JADE3: variants seen among roughly 807,000 people sequenced by gnomAD.
JADE3 encodes the protein protein Jade-3.
In JADE3, 2 loss-of-function variants were observed where a neutral mutation model predicts 50.1. The observed-to-expected ratio is 0.04, with a 90% CI of 0.02 to 0.13. The LOEUF is 0.13. JADE3 is among the 10% of genes least tolerant of loss of function. The pLI, the probability that JADE3 is intolerant of heterozygous loss-of-function variation, is 1.00. For missense variants in JADE3, 475 were observed against 634.4 expected (o/e 0.75, Z 2.70); for synonymous variants, 218 against 232.9 (o/e 0.94, Z 0.58).
At chrX:46,951,810 G>A (rs1450026148) in intron 1 of JADE3, among the ~76,000 whole-genome samples, 4 of 109,584 alleles carry the variant, frequency 3.7e-5, no homozygotes, top group Non-Finnish European at 7.6e-5. Flanking sequence ...TTTTTATTTC[G>A]GTTGTTTTTT....
At chrX:46,925,162 A>G (rs1190265112) in intron 1 of JADE3, among the ~76,000 whole-genome samples, 1 of 112,117 alleles carries the variant, frequency 8.9e-6, no homozygotes, top group Non-Finnish European at 1.9e-5. Context: ...TCCTAGCAAA[A>G]AATTGAAAAA....
In JADE3 at chrX:47,054,475, C is replaced by T. The variant is rs144726372; in HGVS notation, c.1290C>T (p.Ile430=). 53 of 1,209,240 alleles carry T rather than the reference C, an allele frequency of 4.4e-5. No individual in the cohort carries two copies. In the African/African-American group the frequency reaches 8.2e-4, roughly 19 times the overall value. The change falls in exon 9 of 11, where the codon ATC becomes ATT. Residue 430 remains isoleucine, a synonymous_variant. Transcript: ENST00000614628. ...LGMPTLAVDF[I]YNYWKLKRKS... ...TGCCCACGCTAGCTGTGGACTTTATCTATAACTACTGGAAACTGAAGCGGA... is the reference window on the plus strand; with the variant it reads ...TGCCCACGCTAGCTGTGGACTTTATTTATAACTACTGGAAACTGAAGCGGA...
chrX:46,988,324 GT>G (rs1927908958), intron 3 of JADE3, among the ~76,000 whole-genome samples: 1 of 110,579 alleles, frequency 9.0e-6, no homozygotes, highest in Non-Finnish European at 1.9e-5. Context: ...GTACTTTCCG[GT>G]TTTTTGTTTG....
Position 47,017,031 on chromosome X carries a change from CT to C in JADE3, c.285-7692del, listed in dbSNP as rs367730709. Among the ~76,000 whole-genome samples the C allele has an allele frequency of 4.7e-3, 526 of 111,992 alleles. 2 individuals are homozygous for C. Among genetic ancestry groups the C allele is most frequent in the African/African-American group, 0.016 (507 of 30,914 alleles). On this transcript the variant is annotated intron_variant, in intron 4 of 10. Coordinates refer to ENST00000614628, the MANE Select transcript of JADE3 (RefSeq NM_014735.5). ...ATCCTTGGGTGCTAGAATTACTCTACTCGAGCTATAGTAACTGAAAATGGAT... is the reference window on the plus strand; with the variant it reads ...ATCCTTGGGTGCTAGAATTACTCTACCGAGCTATAGTAACTGAAAATGGAT...
chrX:46,932,632 C>T (rs963090657), intron 1 of JADE3, among the ~76,000 whole-genome samples: 3 of 111,737 alleles, frequency 2.7e-5, no homozygotes, highest in Non-Finnish European at 5.6e-5. Context: ...GGTCATGACC[C>T]ATCCTGTACA....
chrX:46,995,032 T>C, intron 3 of JADE3, among the ~76,000 whole-genome samples: 1 of 106,327 alleles, frequency 9.4e-6, no homozygotes, highest in Non-Finnish European at 2.0e-5. Flanking sequence ...CTTTAAGATT[T>C]TTTTTTTTTT....
intron 4 of JADE3, among the ~76,000 whole-genome samples, chrX:47,006,563 G>A (rs1401534578): frequency 9.4e-6 from 1 of 106,575 alleles, no homozygotes; most frequent in African/African-American, 3.4e-5. Flanking sequence ...GCCTCCCAAA[G>A]TGCTGGGATT....
intron 4 of JADE3, among the ~76,000 whole-genome samples, chrX:47,023,872 C>T (rs781839564): frequency 3.6e-5 from 4 of 112,313 alleles, no homozygotes; most frequent in Non-Finnish European, 5.6e-5. Flanking sequence ...TGCCACTGCA[C>T]TCTACCCTGG....
At chrX:47,038,318 G>A (rs1006811321) in intron 7 of JADE3, among the ~76,000 whole-genome samples, 24 of 111,126 alleles carry the variant, frequency 2.2e-4, no homozygotes, top group African/African-American at 6.9e-4. Flanking sequence ...ACCCAACAGT[G>A]GGATTGCTGG....
At chrX:47,002,087 C>G (rs1413027514) in intron 4 of JADE3, among the ~76,000 whole-genome samples, 1 of 111,206 alleles carries the variant, frequency 9.0e-6, no homozygotes, top group Admixed American at 9.6e-5. Flanking sequence ...GAGGGTCGTT[C>G]ACAAAGTATA....
chrX:47,030,309 C>A (rs999316081), intron 6 of JADE3, among the ~76,000 whole-genome samples: 1 of 111,352 alleles, frequency 9.0e-6, no homozygotes, highest in Non-Finnish European at 1.9e-5. Flanking sequence ...ATTTATTAGT[C>A]TTAAAAACGA....
intron 1 of JADE3, among the ~76,000 whole-genome samples, chrX:46,937,835 G>A (rs1926665842): frequency 1.8e-5 from 2 of 110,646 alleles, no homozygotes; most frequent in Non-Finnish European, 3.8e-5. Context: ...ACAAAAAGTA[G>A]CCGGGCATGG....
chrX:46,992,203 G>C (rs1011882267), intron 3 of JADE3, among the ~76,000 whole-genome samples: 2 of 110,882 alleles, frequency 1.8e-5, no homozygotes, highest in Non-Finnish European at 3.8e-5. Flanking sequence ...TGCAGATGAA[G>C]CCTTTTGTTT....
At chrX:46,971,260 C>T (rs1203483772) in intron 1 of JADE3, among the ~76,000 whole-genome samples, 2 of 106,509 alleles carry the variant, frequency 1.9e-5, no homozygotes, top group South Asian at 4.4e-4. Flanking sequence ...GGATTACAGG[C>T]GACTGCCACC....
At chrX:47,022,685 T>C (rs1456618599) in intron 4 of JADE3, among the ~76,000 whole-genome samples, 1 of 112,229 alleles carries the variant, frequency 8.9e-6, no homozygotes, top group Non-Finnish European at 1.9e-5. Context: ...ATTTCTTTTT[T>C]TAGATGGACC....
At chrX:46,958,553 C>A (rs1602385016) in intron 1 of JADE3, among the ~76,000 whole-genome samples, 1 of 111,196 alleles carries the variant, frequency 9.0e-6, no homozygotes, top group African/African-American at 3.3e-5. Flanking sequence ...TGTCAGCTGC[C>A]TCCACGTATT....
At chrX:46,961,470 G>A (rs1239773624) in intron 1 of JADE3, among the ~76,000 whole-genome samples, 1 of 112,221 alleles carries the variant, frequency 8.9e-6, no homozygotes, top group Admixed American at 9.5e-5. Flanking sequence ...ATTTCAAATC[G>A]TTGCATATTA....
At position 46,985,745 on chromosome X, in the gene JADE3, T is replaced by C. The variant is rs1927847782; in HGVS notation, c.79T>C (p.Tyr27His). ...CACTTCCTTTACTTCTGGCTCAATG[T>C]ATAGGATCAAGTCAAAAATTCCAAA... Reference protein sequence around the residue: ...PSTSFTSGSMYRIKSKIPNEH... With the variant: ...PSTSFTSGSMHRIKSKIPNEH... Residue 27 changes from tyrosine (Y) to histidine (H), a missense_variant, in exon 3 of 11, where the codon TAT becomes CAT. This residue lies in a region of JADE3 where 31 missense variants were observed against 29.3 expected (regional missense o/e 1.06). Transcript: ENST00000614628. The C allele has an allele frequency of 8.3e-7, 1 of 1,203,136 alleles. No homozygotes were observed. Among genetic ancestry groups the C allele is most frequent in the Non-Finnish European group, 1.1e-6 (1 of 889,214 alleles).
At chrX:46,958,482 CTACCTTCAGGAT>C (rs1927183835) in intron 1 of JADE3, among the ~76,000 whole-genome samples, 1 of 111,664 alleles carries the variant, frequency 9.0e-6, no homozygotes, top group Non-Finnish European at 1.9e-5. Context: ...CAGAAGACTC[CTACCTTCAGGAT>C]TACCTGCCTG....
Sources: allele counts gnomAD v4.1 joint callset (sites outside exome capture counted in the v4.1 genomes callset), GRCh38; gene constraint gnomAD v4.1.1; regional missense constraint gnomAD v4.1.1; transcripts MANE v1.5; gene names NCBI Gene and HGNC (gene_info 2026-07-23, HGNC 2026-07-21).